Variants in FLCN observed in about 807,000 individuals in gnomAD.
FLCN encodes folliculin, also known as BHD skin lesion fibrofolliculoma protein.
FLCN carries 22 observed loss-of-function variants against 62.5 expected under a neutral mutation model. That is an observed-to-expected ratio of 0.35 (90% confidence interval 0.25 to 0.50). The LOEUF is 0.50. Among genes scored for constraint, FLCN ranks in the 20% least tolerant of loss-of-function variants. The pLI is 0.97. For missense variants in FLCN, 657 were observed against 778.0 expected, an observed-to-expected ratio of 0.84 and a Z score of 1.85; for synonymous variants, 319 against 310.0, an observed-to-expected ratio of 1.03 and a Z score of -0.30.
chr17:17,222,760 G>A (rs1441014530), intron 6 of FLCN, 99 bp from the exon 7 acceptor site: 4 of 1,422,416 alleles, frequency 2.8e-6, no homozygotes, highest in Non-Finnish European at 3.9e-6. Context: ...GACTCCTGGA[G>A]GATCAGTCCC....
chr17:17,215,374 C>T (rs868474182), intron 11 of FLCN, 58 bp from the exon 12 acceptor site: 110 of 1,611,048 alleles, frequency 6.8e-5, no homozygotes, highest in Middle Eastern at 1.6e-4. Context: ...ACCTCCCCTG[C>T]GCTAGCCCAC....
Position 17,215,202 on chromosome 17 carries a change from G to A in FLCN, c.1415C>T (p.Pro472Leu), listed in dbSNP as rs1180118315. Reference sequence around the variant, plus strand: ...GCACCCACCTCGGTCTGCAGCTACAGGGCTCCCACTGGTCACCACAAACTC... The same window carrying A: ...GCACCCACCTCGGTCTGCAGCTACAAGGCTCCCACTGGTCACCACAAACTC... ...KYEFVVTSGS[P>L]VAADRVGPTI... The change falls in exon 12 of 14, where the codon CCT becomes CTT. Residue 472 changes from proline (P) to leucine (L), a missense_variant. Physicochemically the swap from Pro to Leu is moderately conservative, Grantham distance 98 (BLOSUM62 -3). Coordinates refer to ENST00000285071, the MANE Select transcript of FLCN (RefSeq NM_144997.7). 7 of 1,614,046 alleles carry A rather than the reference G, an allele frequency of 4.3e-6. No individual in the cohort carries two copies. The highest frequency in any genetic ancestry group is 1.3e-5 in the African/African-American group (1 of 74,938).
chr17:17,215,449 A>G (rs2046889435), intron 11 of FLCN, 133 bp from the exon 12 acceptor site: 4 of 1,376,532 alleles, frequency 2.9e-6, no homozygotes, highest in Non-Finnish European at 4.1e-6. Flanking sequence ...ACTGGCCCAA[A>G]TCAATGCTTT....
chr17:17,228,410 G>T (rs2047325128), intron 3 of FLCN: 3 of 486,542 alleles, frequency 6.2e-6, no homozygotes, highest in Non-Finnish European at 1.1e-5. Flanking sequence ...AGCACAGCTG[G>T]AGCTGTGACA....
intron 3 of FLCN, 104 bp from the exon 4 acceptor site, chr17:17,228,265 C>T (rs761617653): frequency 1.7e-5 from 24 of 1,437,728 alleles, no homozygotes; most frequent in Non-Finnish European, 2.1e-5. Context: ...CATGGACTTC[C>T]TGCCCAGGAG....
At position 17,231,803 on chromosome 17, in the gene FLCN, C is replaced by G. The variant is rs1158035475; in HGVS notation, c.-34G>C. 6.6e-6 allele frequency: 1 copy of G among 152,402 alleles called. No homozygotes were observed. The highest frequency in any genetic ancestry group is 1.5e-5 in the Non-Finnish European group (1 of 68,094). 9.4% of individuals were successfully genotyped at this position (152,402 alleles called of 1,614,324 possible). ...CGAATGCACCACCCACCTGACGTTT[C>G]TGCAGTTGGCTGCTTAGCTGCACGA... On this transcript the variant is annotated 5_prime_UTR_variant, in exon 3 of 14. Coordinates refer to ENST00000285071, the MANE Select transcript of FLCN (RefSeq NM_144997.7).
At position 17,219,730 on chromosome 17, in the gene FLCN, C is replaced by T. The variant is rs547183018; in HGVS notation, c.872-521G>A. 7.7e-4 allele frequency: 122 copies of T among 157,842 alleles called. 1 individual carries two copies. The highest frequency in any genetic ancestry group is 2.1e-3 in the Admixed American group (34 of 16,064). The allele number at this position is 157,842 out of a possible 1,614,324, so 9.8% of individuals were successfully genotyped here. On this transcript the variant is annotated intron_variant, in intron 8 of 13. Transcript: ENST00000285071. ...GACTACAGGCACCTGCCACCATGTC[C>T]GGCTAACTTTTTTTGGTATTTTTAG... is the stretch of plus-strand genomic sequence containing the variant.
chr17:17,219,686 C>A (rs185967566), intron 8 of FLCN: 2,920 of 164,008 alleles, frequency 0.018, 87 homozygotes, highest in African/African-American at 0.067. Flanking sequence ...TCTTCTGCCC[C>A]AGCCTCCCAA....
chr17:17,222,820 TC>T (rs1174401663), intron 6 of FLCN, 159 bp from the exon 7 acceptor site: 6 of 807,530 alleles, frequency 7.4e-6, no homozygotes, highest in Admixed American at 2.0e-5. Context: ...GTCCAATCAT[TC>T]CCAACAGCAT....
chr17:17,219,148 A>G lies in FLCN; in HGVS notation c.933T>C (p.Pro311=), dbSNP rs769183979. Residue 311 remains proline (P), a synonymous_variant, in exon 9 of 14, where the codon CCT becomes CCC. Transcript: ENST00000285071. ...GCCCTTCTGTACTCTCTGGCAACAC[A>G]GGGGCTTTCTCCTCCTCTTCAGCCT... ...NSEAEEEEKA[P]VLPESTEGRE... is the part of the protein sequence containing the mutation. 5.0e-6 allele frequency: 8 copies of G among 1,614,048 alleles called. No individual in the cohort carries two copies. In the South Asian group the frequency reaches 6.6e-5, roughly 13 times the overall value.
At chr17:17,220,864 G>C (rs960673138) in intron 8 of FLCN, 2 of 235,820 alleles carry the variant, frequency 8.5e-6, no homozygotes, top group Non-Finnish European at 8.5e-6. Context: ...GCCTGCACCT[G>C]CCTGCAGAAA....
intron 7 of FLCN, 86 bp from the exon 8 acceptor site, chr17:17,221,714 T>G: frequency 6.9e-7 from 1 of 1,444,350 alleles, no homozygotes; most frequent in South Asian, 1.2e-5. Flanking sequence ...CCTACCAGTT[T>G]AAAGAAAAAA....
At chr17:17,223,478 C>A (rs1736220) in intron 6 of FLCN, among the ~76,000 whole-genome samples, 2 of 152,070 alleles carry the variant, frequency 1.3e-5, no homozygotes, top group Non-Finnish European at 2.9e-5. Flanking sequence ...AATGCACACA[C>A]CATGAGTAAG....
intron 3 of FLCN, among the ~76,000 whole-genome samples, chr17:17,231,324 A>C (rs551187154): frequency 6.6e-6 from 1 of 152,302 alleles, no homozygotes; most frequent in Non-Finnish European, 1.5e-5. Context: ...TGAATAGCCC[A>C]GGTCACAGAA....
chr17:17,222,470 C>T (rs1459172846), intron 7 of FLCN, 31 bp downstream of exon 7: 3 of 1,613,980 alleles, frequency 1.9e-6, no homozygotes, highest in East Asian at 4.5e-5. Flanking sequence ...TCTATCCTAA[C>T]AGATATGCCA....
intron 12 of FLCN, 47 bp from the exon 13 acceptor site, chr17:17,215,137 G>T (rs373485375): frequency 6.2e-6 from 10 of 1,614,044 alleles, no homozygotes; most frequent in Non-Finnish European, 7.6e-6. Context: ...TTAGCGCGGG[G>T]CGGGGGCATC....
Position 17,213,593 on chromosome 17 carries a change from TC to T in FLCN, c.*61del. On this transcript the variant is annotated 3_prime_UTR_variant, in exon 14 of 14. Coordinates refer to ENST00000285071, the MANE Select transcript of FLCN (RefSeq NM_144997.7). ...TGAGAAACTCAAGGGACAGTCCCTC[TC>T]ACGGGGCTGGAGGATCCTGTGGACA... 6.2e-7 allele frequency: 1 copy of T among 1,604,818 alleles called. No individual in the cohort carries two copies. Among genetic ancestry groups the T allele is most frequent in the Non-Finnish European group, 8.5e-7 (1 of 1,171,806 alleles).
chr17:17,219,008 C>G lies in FLCN; in HGVS notation c.1062+11G>C, dbSNP rs2047005668. 6.2e-7 allele frequency: 1 copy of G among 1,612,674 alleles called. No individual in the cohort carries two copies. On this transcript the variant is annotated intron_variant, in intron 9 of 13. Transcript: ENST00000285071. ...CCTGAGCTCCTGATGCGCTGTGCCC[C>G]TGCCGCCTACCTGCCTCATGTGCCG... is the stretch of plus-strand genomic sequence containing the variant.
chr17:17,236,820 T>C (rs1261883262), intron 1 of FLCN, 92 bp downstream of exon 1: 1 of 152,096 alleles, frequency 6.6e-6, no homozygotes, highest in African/African-American at 2.4e-5. Flanking sequence ...CGCCCTGGAC[T>C]CTGGCCCTAA....
Sources: gnomAD v4.1 joint callset for allele counts (sites outside exome capture counted in the v4.1 genomes callset) on GRCh38, gnomAD v4.1.1 for gene constraint, MANE v1.5 for transcripts, NCBI Gene and HGNC (gene_info 2026-07-23, HGNC 2026-07-21) for gene names.